MEMO1: variants seen among roughly 807,000 people sequenced by gnomAD.
MEMO1 encodes mediator of cell motility 1.
Under a neutral mutation model 45.2 loss-of-function variants are expected in MEMO1, and 6 were observed. The observed-to-expected ratio is 0.13, with a 90% CI of 0.07 to 0.26. The LOEUF (loss-of-function observed/expected upper bound fraction) is 0.26. Ranked by LOEUF, MEMO1 falls within the 10% of genes least tolerant of loss-of-function variation. The pLI, the probability that MEMO1 is intolerant of heterozygous loss-of-function variation, is 1.00. For missense variants in MEMO1, 184 were observed against 370.5 expected (o/e 0.50, Z 4.13); for synonymous variants, 78 against 124.3 (o/e 0.63, Z 2.48).
At chr2:31,881,268 T>A (rs1377729214) in intron 8 of MEMO1, among the ~76,000 whole-genome samples, 2 of 151,366 alleles carry the variant, frequency 1.3e-5, no homozygotes, top group Non-Finnish European at 2.9e-5. Flanking sequence ...GGAGGGTGGA[T>A]CACTTGATCT....
chr2:31,952,257 T>C (rs1666925415), intron 2 of MEMO1, among the ~76,000 whole-genome samples: 1 of 152,230 alleles, frequency 6.6e-6, no homozygotes, highest in African/African-American at 2.4e-5. Flanking sequence ...ATGTAAATAT[T>C]TTAAGTATTT....
At chr2:31,985,436 C>A (rs1285381024) in intron 2 of MEMO1, among the ~76,000 whole-genome samples, 1 of 152,174 alleles carries the variant, frequency 6.6e-6, no homozygotes, top group Admixed American at 6.5e-5. Flanking sequence ...AGTGGTTCTC[C>A]TGCCTCAGCC....
Position 31,877,523 on chromosome 2 carries a change from C to T in MEMO1, c.657+5863G>A, listed in dbSNP as rs1194777837. 8.5e-5 allele frequency among the ~76,000 whole-genome samples: 13 copies of T among 152,054 alleles called. 1 individual carries two copies. The highest frequency in any genetic ancestry group is 1.9e-4 in the Non-Finnish European group (13 of 68,004). ...CATATACAAACAGAAATAAGTTTTGCATTGATTTTAATATACAATGAGTTT... is the reference window on the plus strand; with the variant it reads ...CATATACAAACAGAAATAAGTTTTGTATTGATTTTAATATACAATGAGTTT... On this transcript the variant is annotated intron_variant, in intron 8 of 9. Coordinates refer to ENST00000404530, the MANE Select transcript of MEMO1 (RefSeq NM_001301833.4).
At chr2:31,878,421 C>A (rs1381352864) in intron 8 of MEMO1, among the ~76,000 whole-genome samples, 2 of 151,976 alleles carry the variant, frequency 1.3e-5, no homozygotes, top group Non-Finnish European at 2.9e-5. Flanking sequence ...CTACTTTAAG[C>A]CACCTGAGAC....
At chr2:31,978,439 A>T (rs1209090073) in intron 2 of MEMO1, among the ~76,000 whole-genome samples, 1 of 152,212 alleles carries the variant, frequency 6.6e-6, no homozygotes, top group African/African-American at 2.4e-5. Context: ...GGCATATAGT[A>T]AAGGTTCAAA....
intron 2 of MEMO1, among the ~76,000 whole-genome samples, chr2:31,963,859 A>G (rs1668303160): frequency 6.6e-6 from 1 of 152,204 alleles, no homozygotes. Flanking sequence ...AAATGTGGCT[A>G]ATACTGAGAT....
chr2:31,974,716 G>C (rs1669802165), intron 2 of MEMO1, among the ~76,000 whole-genome samples: 1 of 151,978 alleles, frequency 6.6e-6, no homozygotes, highest in South Asian at 2.1e-4. Context: ...AGTGAGCCAA[G>C]ATTGCGCCAT....
intron 2 of MEMO1, among the ~76,000 whole-genome samples, chr2:31,999,993 C>G (rs551203854): frequency 1.3e-5 from 2 of 151,636 alleles, no homozygotes; most frequent in East Asian, 3.9e-4. Context: ...CCTCCTGCCT[C>G]AGCCTCCTGT....
intron 2 of MEMO1, among the ~76,000 whole-genome samples, chr2:31,998,532 G>A (rs1447710528): frequency 6.6e-6 from 1 of 152,100 alleles, no homozygotes; most frequent in African/African-American, 2.4e-5. Context: ...TGGGCACAGT[G>A]GCTCACGCCT....
intron 2 of MEMO1, among the ~76,000 whole-genome samples, chr2:31,949,263 T>G (rs1405229857): frequency 1.3e-5 from 2 of 152,108 alleles, no homozygotes; most frequent in African/African-American, 4.8e-5. Context: ...CTGCTGGGTA[T>G]TTACCCAAAA....
intron 6 of MEMO1, among the ~76,000 whole-genome samples, chr2:31,913,967 C>T (rs1681031925): frequency 6.6e-6 from 1 of 152,022 alleles, no homozygotes; most frequent in Non-Finnish European, 1.5e-5. Flanking sequence ...TTCTAGACTT[C>T]GATATTAAGA....
intron 2 of MEMO1, among the ~76,000 whole-genome samples, chr2:32,006,158 T>C (rs1255778818): frequency 1.3e-5 from 2 of 152,156 alleles, no homozygotes; most frequent in African/African-American, 2.4e-5. Context: ...ATGAGGGGAC[T>C]TAGACCTTAA....
intron 8 of MEMO1, among the ~76,000 whole-genome samples, chr2:31,871,497 A>G (rs1427106681): frequency 4.4e-5 from 1 of 22,526 alleles, no homozygotes; most frequent in African/African-American, 1.2e-4. Flanking sequence ...TATTCCATAT[A>G]TACACACACA....
At chr2:31,875,626 G>C (rs1674442593) in intron 8 of MEMO1, among the ~76,000 whole-genome samples, 1 of 152,018 alleles carries the variant, frequency 6.6e-6, no homozygotes, top group African/African-American at 2.4e-5. Context: ...CATCACCACA[G>C]TCCAAGTTAC....
rs1007160043 is a variant in MEMO1, at chr2:31,992,410, G to A, written c.61+17777C>T. 2.6e-5 allele frequency among the ~76,000 whole-genome samples: 4 copies of A among 152,224 alleles called. No individual in the cohort carries two copies. In the South Asian group the frequency reaches 6.2e-4, roughly 24 times the overall value. ...CCTTTACAGAGATAAGAGGTGTCATGGCAATAAACAAAAGTGGGTTCATAT... is the reference window on the plus strand; with the variant it reads ...CCTTTACAGAGATAAGAGGTGTCATAGCAATAAACAAAAGTGGGTTCATAT... On this transcript the variant is annotated intron_variant, in intron 2 of 9. Coordinates refer to ENST00000404530, the MANE Select transcript of MEMO1 (RefSeq NM_001301833.4).
intron 6 of MEMO1, among the ~76,000 whole-genome samples, chr2:31,913,162 G>A (rs1286157530): frequency 1.3e-5 from 2 of 150,808 alleles, no homozygotes; most frequent in Non-Finnish European, 2.9e-5. Flanking sequence ...CTACTCGGGA[G>A]GCTGAGGCAG....
intron 4 of MEMO1, among the ~76,000 whole-genome samples, chr2:31,927,452 T>C (rs992738251): frequency 6.6e-6 from 1 of 152,216 alleles, no homozygotes; most frequent in Admixed American, 6.5e-5. Context: ...CAAAGGTAAT[T>C]ACACTACTCC....
At chr2:31,929,782 T>C (rs192437559) in intron 4 of MEMO1, among the ~76,000 whole-genome samples, 57 of 152,348 alleles carry the variant, frequency 3.7e-4, no homozygotes, top group Admixed American at 3.4e-3. Context: ...AGTGGTAGTA[T>C]AGAATTTAAC....
chr2:31,897,753 CCT>C (rs1199883326), intron 6 of MEMO1, among the ~76,000 whole-genome samples: 2 of 152,070 alleles, frequency 1.3e-5, no homozygotes, highest in Non-Finnish European at 2.9e-5. Flanking sequence ...GGGAGGAACC[CCT>C]CTTTTTCCAT....
Sources: gnomAD v4.1 joint callset for allele counts (sites outside exome capture counted in the v4.1 genomes callset) on GRCh38, gnomAD v4.1.1 for gene constraint, MANE v1.5 for transcripts, NCBI Gene and HGNC (gene_info 2026-07-23, HGNC 2026-07-21) for gene names.